SPTLC3: variants seen among roughly 807,000 people sequenced by gnomAD.
SPTLC3 encodes serine palmitoyltransferase long chain base subunit 3.
Under a neutral mutation model 59.3 loss-of-function variants are expected in SPTLC3, and 36 were observed. The observed-to-expected ratio is 0.61, with a 90% CI of 0.47 to 0.80. The LOEUF (loss-of-function observed/expected upper bound fraction) is 0.80, where lower values mean the gene tolerates loss of function less well. SPTLC3 is among the 30% of genes least tolerant of loss of function. SPTLC3 has a pLI of 0.00. For missense variants in SPTLC3, 625 were observed against 685.1 expected (o/e 0.91, Z 0.98); for synonymous variants, 257 against 240.8 (o/e 1.07, Z -0.62).
chr20:13,038,268 T>C (rs1986825266), intron 1 of SPTLC3, among the ~76,000 whole-genome samples: 1 of 152,146 alleles, frequency 6.6e-6, no homozygotes, highest in Non-Finnish European at 1.5e-5. Context: ...GAATAGGCAT[T>C]AATTCTTTAA....
chr20:13,152,706 C>T (rs2038676743), intron 9 of SPTLC3, among the ~76,000 whole-genome samples: 1 of 152,202 alleles, frequency 6.6e-6, no homozygotes, highest in African/African-American at 2.4e-5. Context: ...CTGATTAAGA[C>T]TGGCCCTCAT....
intron 2 of SPTLC3, among the ~76,000 whole-genome samples, chr20:13,070,807 G>A (rs1988407944): frequency 6.6e-6 from 1 of 152,030 alleles, no homozygotes; most frequent in South Asian, 2.1e-4. Context: ...GAGTGAGGTG[G>A]GAGCCATTAT....
chr20:13,038,443 C>CATCT (rs1178347974), intron 1 of SPTLC3, among the ~76,000 whole-genome samples: 24 of 152,144 alleles, frequency 1.6e-4, no homozygotes, highest in Non-Finnish European at 2.9e-4. Flanking sequence ...GTGTCCATTT[C>CATCT]ATCTTAATTC....
At chr20:13,091,590 AAAG>A (rs66518859) in intron 5 of SPTLC3, among the ~76,000 whole-genome samples, 50,987 of 150,940 alleles carry the variant, frequency 0.34, 9,317 homozygotes, top group Non-Finnish European at 0.41. Flanking sequence ...AAAAAGAAAA[AAAG>A]AAGAAGTATG....
intron 9 of SPTLC3, among the ~76,000 whole-genome samples, chr20:13,149,424 C>A (rs1211239238): frequency 6.6e-6 from 1 of 152,208 alleles, no homozygotes; most frequent in African/African-American, 2.4e-5. Context: ...CATTTGCATC[C>A]TGTTTAGATG....
At chr20:13,126,269 C>T (rs1426257715) in intron 8 of SPTLC3, among the ~76,000 whole-genome samples, 1 of 152,196 alleles carries the variant, frequency 6.6e-6, no homozygotes, top group Non-Finnish European at 1.5e-5. Context: ...AACACAAAGT[C>T]AGTGCTCACA....
intron 8 of SPTLC3, among the ~76,000 whole-genome samples, chr20:13,120,411 T>C (rs1378203457): frequency 6.6e-6 from 1 of 152,250 alleles, no homozygotes. Context: ...TGAAACTGTG[T>C]ATAATTTCAA....
At chr20:13,099,888 A>G (rs1021785682) in intron 6 of SPTLC3, among the ~76,000 whole-genome samples, 2 of 152,236 alleles carry the variant, frequency 1.3e-5, no homozygotes, top group East Asian at 3.8e-4. Context: ...ACCAGTCCAG[A>G]TAGAAGCTAA....
At chr20:13,081,633 A>G (rs1300051616) in intron 4 of SPTLC3, among the ~76,000 whole-genome samples, 1 of 152,212 alleles carries the variant, frequency 6.6e-6, no homozygotes, top group Admixed American at 6.5e-5. Context: ...TTAAAAAGAA[A>G]TTTTAATTAA....
chr20:13,048,819 T>C, intron 1 of SPTLC3, 126 bp from the exon 2 acceptor site: 1 of 860,374 alleles, frequency 1.2e-6, no homozygotes, highest in Non-Finnish European at 1.7e-6. Flanking sequence ...ATGGTCAGTT[T>C]CTAATTTATT....
chr20:13,158,472 G>A (rs904733753), intron 10 of SPTLC3, among the ~76,000 whole-genome samples: 2 of 152,100 alleles, frequency 1.3e-5, no homozygotes, highest in Non-Finnish European at 2.9e-5. Flanking sequence ...CAGTGAAAGC[G>A]GTCTTCTGGG....
intron 2 of SPTLC3, among the ~76,000 whole-genome samples, chr20:13,068,067 C>A (rs1988294333): frequency 6.6e-6 from 1 of 152,124 alleles, no homozygotes; most frequent in African/African-American, 2.4e-5. Context: ...CCATTTTGTC[C>A]AATCAAGTTT....
At chr20:13,158,428 C>T (rs780220770) in intron 10 of SPTLC3, among the ~76,000 whole-genome samples, 4 of 152,134 alleles carry the variant, frequency 2.6e-5, no homozygotes, top group Non-Finnish European at 4.4e-5. Context: ...TTTGGCAAAA[C>T]GTGCTTCCTT....
chr20:13,009,457 G>T, intron 1 of SPTLC3, 73 bp downstream of exon 1: 1 of 1,363,640 alleles, frequency 7.3e-7, no homozygotes, highest in South Asian at 1.2e-5. Context: ...AGATATTTGA[G>T]GCTGTCCTAA....
chr20:13,040,069 GTGTGTGTGTA>G (rs1986909560), intron 1 of SPTLC3, among the ~76,000 whole-genome samples: 1 of 151,606 alleles, frequency 6.6e-6, no homozygotes, highest in Admixed American at 6.6e-5. Context: ...GTGTGTGTGT[GTGTGTGTGTA>G]TGTATACATA....
intron 7 of SPTLC3, among the ~76,000 whole-genome samples, chr20:13,115,842 G>C (rs1035714353): frequency 1.3e-5 from 2 of 152,146 alleles, no homozygotes; most frequent in Admixed American, 6.5e-5. Flanking sequence ...GTGAAGAGGG[G>C]CCCATCATCC....
intron 5 of SPTLC3, among the ~76,000 whole-genome samples, chr20:13,092,320 A>T (rs1989252454): frequency 6.6e-6 from 1 of 152,262 alleles, no homozygotes; most frequent in Admixed American, 6.5e-5. Flanking sequence ...CTCAGAAAAA[A>T]ATGGGAAGTT....
At chr20:13,103,818 T>A (rs1224528481) in intron 6 of SPTLC3, among the ~76,000 whole-genome samples, 8 of 152,214 alleles carry the variant, frequency 5.3e-5, no homozygotes, top group African/African-American at 1.9e-4. Flanking sequence ...CCCTGATGTA[T>A]GCAACAGTGT....
intron 6 of SPTLC3, among the ~76,000 whole-genome samples, chr20:13,103,052 G>A (rs980667689): frequency 5.9e-5 from 9 of 152,144 alleles, no homozygotes; most frequent in African/African-American, 1.9e-4. Context: ...AAGGCTGTGC[G>A]ACATCTATCC....
Sources: allele counts gnomAD v4.1 joint callset (sites outside exome capture counted in the v4.1 genomes callset), GRCh38; gene constraint gnomAD v4.1.1; transcripts MANE v1.5; gene names NCBI Gene and HGNC (gene_info 2026-07-23, HGNC 2026-07-21).